The following GFRA2 variants were observed in gnomAD, a reference collection of about 807,000 sequenced individuals.
GFRA2 encodes the protein GDNF family receptor alpha-2.
In GFRA2, 17 loss-of-function variants were observed where a neutral mutation model predicts 48.3. The ratio of observed to expected loss-of-function variants is 0.35; its 90% confidence interval spans 0.24 to 0.53. GFRA2 has a LOEUF of 0.53. Ranked by LOEUF, GFRA2 falls within the 20% of genes least tolerant of loss-of-function variation. The pLI, the probability that GFRA2 is intolerant of heterozygous loss-of-function variation, is 0.93. For missense variants in GFRA2, 660 were observed against 637.3 expected (o/e 1.04, Z -0.38); for synonymous variants, 305 against 257.2 (o/e 1.19, Z -1.78).
intron 2 of GFRA2, among the ~76,000 whole-genome samples, chr8:21,803,134 C>A (rs1807800847): frequency 2.0e-5 from 3 of 152,200 alleles, no homozygotes; most frequent in African/African-American, 7.2e-5. Flanking sequence ...TTGGCAGGGG[C>A]CTCTGCTCCA....
rs900735155 is a variant in GFRA2 at position 21,750,538 on chromosome 8, C to T, written c.794+50G>A. The T allele has an allele frequency of 4.8e-6, 5 of 1,032,304 alleles. No homozygotes were observed. The highest frequency in any genetic ancestry group is 2.2e-5 in the Admixed American group (1 of 45,936). 63.9% of individuals were successfully genotyped at this position (1,032,304 alleles called of 1,614,324 possible). On this transcript the variant is annotated intron_variant, in intron 4 of 8. Coordinates refer to ENST00000524240, the MANE Select transcript of GFRA2 (RefSeq NM_001495.5). The surrounding 1 kb of genome is among the most constrained non-coding windows in gnomAD (Gnocchi z 5.7). Reference sequence around the variant, plus strand: ...GCAGAGAAAGGAAAACACAGCCTGGCAATGCAAGCGCCCTCCTGCCAGCAC... The same window carrying T: ...GCAGAGAAAGGAAAACACAGCCTGGTAATGCAAGCGCCCTCCTGCCAGCAC...
intron 7 of GFRA2, among the ~76,000 whole-genome samples, chr8:21,701,047 G>T (rs144330488): frequency 1.1e-3 from 166 of 152,348 alleles, no homozygotes; most frequent in African/African-American, 3.5e-3. Context: ...AGGCAGGGGC[G>T]AGGGCTTATT....
chr8:21,808,416 A>G (rs1428623710), intron 1 of GFRA2, among the ~76,000 whole-genome samples: 1 of 152,160 alleles, frequency 6.6e-6, no homozygotes, highest in Non-Finnish European at 1.5e-5. Flanking sequence ...ATGATGGAGG[A>G]GGGTTGTTAT....
intron 4 of GFRA2, among the ~76,000 whole-genome samples, chr8:21,741,964 G>A (rs537789310): frequency 5.9e-5 from 9 of 151,608 alleles, no homozygotes; most frequent in Middle Eastern, 3.4e-3. Flanking sequence ...TGCCAATGAG[G>A]TAGTAATATA....
chr8:21,793,026 C>T (rs1001299985), upstream of GFRA2, among the ~76,000 whole-genome samples: 4 of 152,066 alleles, frequency 2.6e-5, no homozygotes, highest in African/African-American at 9.7e-5. Flanking sequence ...GAGATGGCAC[C>T]ACTGCACTCC....
chr8:21,716,454 T>A (rs1803341162), intron 4 of GFRA2, among the ~76,000 whole-genome samples: 1 of 151,896 alleles, frequency 6.6e-6, no homozygotes, highest in Admixed American at 6.6e-5. Flanking sequence ...CCACAAAGGA[T>A]CTGTCCAGCC....
At chr8:21,740,768 C>T (rs1004913765) in intron 4 of GFRA2, among the ~76,000 whole-genome samples, 1 of 152,192 alleles carries the variant, frequency 6.6e-6, no homozygotes, top group Admixed American at 6.5e-5. Context: ...AATTAACATG[C>T]CCAAAATGGA....
intron 3 of GFRA2, among the ~76,000 whole-genome samples, chr8:21,758,597 C>A (rs984082470): frequency 6.6e-6 from 1 of 152,128 alleles, no homozygotes; most frequent in Non-Finnish European, 1.5e-5. Flanking sequence ...CTAATTCTGT[C>A]TCTGCTTCTC....
chr8:21,737,326 G>C (rs569628521), intron 4 of GFRA2, among the ~76,000 whole-genome samples: 1 of 151,844 alleles, frequency 6.6e-6, no homozygotes, highest in Non-Finnish European at 1.5e-5. Flanking sequence ...CCAAGATCAC[G>C]CCATTGCAGT....
chr8:21,802,768 A>G (rs1807793927), intron 2 of GFRA2, among the ~76,000 whole-genome samples: 1 of 152,218 alleles, frequency 6.6e-6, no homozygotes, highest in Non-Finnish European at 1.5e-5. Context: ...ATTATGGTAT[A>G]GTGGGGAGAA....
Position 21,750,882 on chromosome 8 carries a change from G to A in GFRA2, c.500C>T (p.Ala167Val). ...CTTGCAGTTGTCATTCAGGTTGCAG[G>A]CCTTGGCAGCATCCAGGCAATGGTT... is the stretch of plus-strand genomic sequence containing the variant. The part of the protein sequence containing the change: ...KSNHCLDAAK[A>V]CNLNDNCKKL... Residue 167 changes from alanine to valine, a missense_variant, in exon 4 of 9, where the codon GCC becomes GTC. By Grantham distance (64) the Ala-to-Val change is moderately conservative. Transcript: ENST00000524240. This position sits in a 1 kb window ranked among gnomAD's most constrained non-coding sequence, Gnocchi z 5.7. The A allele has an allele frequency of 6.2e-7, 1 of 1,613,866 alleles. No individual in the cohort carries two copies. Among genetic ancestry groups the A allele is most frequent in the Non-Finnish European group, 8.5e-7 (1 of 1,179,878 alleles).
chr8:21,724,058 C>T (rs1803737139), intron 4 of GFRA2, among the ~76,000 whole-genome samples: 1 of 152,264 alleles, frequency 6.6e-6, no homozygotes, highest in South Asian at 2.1e-4. Context: ...AGGCCATCTG[C>T]CCACAGAGGA....
At chr8:21,720,817 C>T (rs956150004) in intron 4 of GFRA2, among the ~76,000 whole-genome samples, 3 of 152,158 alleles carry the variant, frequency 2.0e-5, no homozygotes, top group African/African-American at 7.2e-5. Flanking sequence ...CCAGTTATCG[C>T]ACTGGCATCA....
At chr8:21,724,764 AG>A (rs1664235873) in intron 4 of GFRA2, among the ~76,000 whole-genome samples, 2 of 152,328 alleles carry the variant, frequency 1.3e-5, no homozygotes, top group South Asian at 4.2e-4. Flanking sequence ...AGGAGTTGGC[AG>A]GGGAAGTGTT....
chr8:21,724,799 A>G (rs1803779116), intron 4 of GFRA2, among the ~76,000 whole-genome samples: 1 of 152,164 alleles, frequency 6.6e-6, no homozygotes, highest in Admixed American at 6.5e-5. Context: ...CCTCCCCTCC[A>G]AAGGCCCACC....
chr8:21,761,771 G>GA (rs923383538), intron 3 of GFRA2, among the ~76,000 whole-genome samples: 2 of 152,078 alleles, frequency 1.3e-5, no homozygotes, highest in African/African-American at 4.8e-5. Context: ...CCAACATGGT[G>GA]AAACCCCATC....
chr8:21,710,474 C>A (rs966736865), intron 4 of GFRA2, among the ~76,000 whole-genome samples: 2 of 152,162 alleles, frequency 1.3e-5, no homozygotes, highest in Non-Finnish European at 2.9e-5. Context: ...GGAGACGGGG[C>A]TCCCTCTCGC....
At chr8:21,704,474 A>G (rs1017460261) in intron 6 of GFRA2, among the ~76,000 whole-genome samples, 9 of 152,276 alleles carry the variant, frequency 5.9e-5, no homozygotes, top group Middle Eastern at 3.4e-3. Flanking sequence ...TGGACAGAAT[A>G]AATAATGGAG....
intron 5 of GFRA2, 130 bp from the exon 6 acceptor site, chr8:21,705,255 C>T (rs994212774): frequency 6.0e-6 from 5 of 839,826 alleles, no homozygotes; most frequent in African/African-American, 1.7e-5. Flanking sequence ...CCAAAACACA[C>T]ATCCATCCCA....
Sources: gnomAD v4.1 joint callset for allele counts (sites outside exome capture counted in the v4.1 genomes callset) on GRCh38, gnomAD v4.1.1 for gene constraint, Gnocchi (gnomAD v3.1) non-coding constraint, MANE v1.5 for transcripts, NCBI Gene and HGNC (gene_info 2026-07-23, HGNC 2026-07-21) for gene names.